SPATA31D1: variants seen among roughly 807,000 people sequenced by gnomAD.
SPATA31D1 encodes SPATA31 subfamily D member 1.
SPATA31D1 carries 6 observed loss-of-function variants against 13.2 expected under a neutral mutation model. The ratio of observed to expected loss-of-function variants is 0.46; its 90% CI spans 0.25 to 0.90. The LOEUF is 0.90. Among genes scored for constraint, SPATA31D1 ranks in the 40% least tolerant of loss-of-function variants. SPATA31D1 has a pLI of 0.18. For synonymous variants in SPATA31D1, 903 were observed against 718.8 expected (o/e 1.26, Z -4.10); for missense variants, 2,445 against 1,884.7 (o/e 1.30, Z -5.50).
rs755857922 is a variant in SPATA31D1, at chr9:81,992,865, T to C, written c.2395T>C (p.Ser799Pro). The C allele has an allele frequency of 1.9e-6, 3 of 1,613,766 alleles. No homozygotes were observed. The highest frequency in any genetic ancestry group is 2.5e-6 in the Non-Finnish European group (3 of 1,179,710). ...GACTTCTTCAGACAAGGATCTGAGG[T>C]CTAACTCTGAGAGAGACCTAGAAAC... is the stretch of plus-strand genomic sequence containing the variant. ...PETSSDKDLRSNSERDLETHM... is the reference protein window; with the variant it reads ...PETSSDKDLRPNSERDLETHM... Residue 799 changes from serine to proline, a missense_variant, in exon 4 of 4, where the codon TCT becomes CCT. Transcript: ENST00000344803.
At position 81,990,409 on chromosome 9, in the gene SPATA31D1, C is replaced by T. The variant is rs1445903763; in HGVS notation, c.233-8C>T. Reference sequence around the variant, plus strand: ...CTCTATCTTCATTGCATATAACATACTATTCAGGTTTCCCAGACTGGAAAA... The same window carrying T: ...CTCTATCTTCATTGCATATAACATATTATTCAGGTTTCCCAGACTGGAAAA... On this transcript the variant is annotated splice_region_variant and splice_polypyrimidine_tract_variant and intron_variant, in intron 2 of 3. Transcript: ENST00000344803. 7.5e-6 allele frequency: 12 copies of T among 1,598,450 alleles called. No homozygotes were observed. Among genetic ancestry groups the T allele is most frequent in the Non-Finnish European group, 9.4e-6 (11 of 1,171,398 alleles).
Position 81,989,090 on chromosome 9 carries a change from G to A in SPATA31D1, c.186+86G>A, listed in dbSNP as rs182331579. On this transcript the variant is annotated intron_variant, in intron 1 of 3. Coordinates refer to ENST00000344803, the MANE Select transcript of SPATA31D1 (RefSeq NM_001001670.3). ...CCAACATTTCTAAATAAGTTTGGTT[G>A]GTACAGAGACATGTTTTAGATGGGA... 202 of 1,535,666 alleles carry A rather than the reference G, an allele frequency of 1.3e-4. 1 individual carries two copies. The highest frequency in any genetic ancestry group is 9.3e-4 in the South Asian group (73 of 78,866).
rs1166771802 is a variant in SPATA31D1 at position 81,994,149 on chromosome 9, T to G, written c.3679T>G (p.Phe1227Val). 1.1e-5 allele frequency: 17 copies of G among 1,613,854 alleles called. No homozygotes were observed. The highest frequency in any genetic ancestry group is 1.4e-5 in the Non-Finnish European group (16 of 1,179,880). The stretch of plus-strand genomic sequence containing the variant: ...TCAGAGCCATTTCACTGACATGTCT[T>G]TTGCCTTAGATAACTTGAGTTCCAA... ...QPQSHFTDMS[F>V]ALDNLSSKDL... The change falls in exon 4 of 4, where the codon TTT (phenylalanine) becomes GTT (valine). Residue 1227 changes from phenylalanine (F) to valine (V), a missense_variant. Phe to Val is a conservative substitution (Grantham distance 50). Transcript: ENST00000344803.
upstream of SPATA31D1, among the ~76,000 whole-genome samples, chr9:81,988,161 T>C (rs1824887058): frequency 2.0e-5 from 3 of 152,214 alleles, no homozygotes; most frequent in South Asian, 6.2e-4. Context: ...TAATTTACAA[T>C]AAAAACCTTC....
Position 81,990,880 on chromosome 9 carries a change from C to G in SPATA31D1, c.410C>G (p.Thr137Ser), listed in dbSNP as rs776718983. The G allele has an allele frequency of 6.2e-7, 1 of 1,613,964 alleles. No homozygotes were observed. Among genetic ancestry groups the G allele is most frequent in the Admixed American group, 1.7e-5 (1 of 60,016 alleles). The change falls in exon 4 of 4, where the codon ACT (threonine) becomes AGT (serine). Residue 137 changes from threonine (T) to serine (S), a missense_variant. Thr to Ser is a moderately conservative substitution (Grantham distance 58, BLOSUM62 1). Transcript: ENST00000344803. ...DPVCRVCKRATADIQQLLSWE... is the reference protein window; with the variant it reads ...DPVCRVCKRASADIQQLLSWE... ...GTCTGTCGGGTGTGTAAGAGAGCAACTGCTGATATCCAGCAACTGCTGTCT... is the reference window on the plus strand; with the variant it reads ...GTCTGTCGGGTGTGTAAGAGAGCAAGTGCTGATATCCAGCAACTGCTGTCT...
intron 1 of SPATA31D1, 92 bp from the exon 2 acceptor site, chr9:81,989,686 A>G: frequency 1.6e-6 from 1 of 639,980 alleles, no homozygotes; most frequent in Non-Finnish European, 2.2e-6. Flanking sequence ...TTCTTGTATA[A>G]TGAATGAATG....
Position 81,992,206 on chromosome 9 carries a change from A to C in SPATA31D1, c.1736A>C (p.Lys579Thr). ...QGQSPHLTQVKSLAQPQSPFR... is the reference protein window; with the variant it reads ...QGQSPHLTQVTSLAQPQSPFR... ...CAGTCCCCACATCTCACTCAGGTGAAGTCCCTGGCTCAACCTCAATCTCCA... is the reference window on the plus strand; with the variant it reads ...CAGTCCCCACATCTCACTCAGGTGACGTCCCTGGCTCAACCTCAATCTCCA... Residue 579 changes from lysine to threonine, a missense_variant, in exon 4 of 4, where the codon AAG (lysine) becomes ACG (threonine). Transcript: ENST00000344803. The C allele has an allele frequency of 1.2e-6, 2 of 1,613,762 alleles. No individual in the cohort carries two copies. The highest frequency in any genetic ancestry group is 1.7e-6 in the Non-Finnish European group (2 of 1,179,722).
In SPATA31D1 at chr9:81,991,928, T is replaced by C. The variant is rs777648120; in HGVS notation, c.1458T>C (p.Pro486=). The C allele has an allele frequency of 7.4e-6, 12 of 1,613,674 alleles. No homozygotes were observed. Among genetic ancestry groups the C allele is most frequent in the Admixed American group, 3.3e-5 (2 of 59,998 alleles). ...AATGGCAGCACATCCATCAGCAGCC[T>C]CCACACTCTAAATGCTTTGAAGACC... ...KLEWQHIHQQ[P]PHSKCFEDHL... is the part of the protein sequence containing the mutation. The change falls in exon 4 of 4, where the codon CCT becomes CCC. Residue 486 remains proline, a synonymous_variant. Coordinates refer to ENST00000344803, the MANE Select transcript of SPATA31D1 (RefSeq NM_001001670.3).
In SPATA31D1 at chr9:81,994,942, A is replaced by T; in HGVS notation, c.4472A>T (p.Gln1491Leu). The change falls in exon 4 of 4, where the codon CAG (glutamine) becomes CTG (leucine). Residue 1491 changes from glutamine to leucine, a missense_variant. Transcript: ENST00000344803. ...VGQNYPTRIRQIIDKDRQPQK... is the reference protein window; with the variant it reads ...VGQNYPTRIRLIIDKDRQPQK... ...CAGAATTATCCTACAAGGATTAGACAGATCATAGACAAGGACAGACAGCCC... is the reference window on the plus strand; with the variant it reads ...CAGAATTATCCTACAAGGATTAGACTGATCATAGACAAGGACAGACAGCCC... 6.2e-7 allele frequency: 1 copy of T among 1,613,990 alleles called. No individual in the cohort carries two copies. The highest frequency in any genetic ancestry group is 8.5e-7 in the Non-Finnish European group (1 of 1,179,878).
Position 81,994,390 on chromosome 9 carries a change from G to A in SPATA31D1, c.3920G>A (p.Gly1307Glu). The part of the protein sequence containing the change: ...VRPKGGELDG[G>E]DAGLGTSQRR... ...CCCAAAGGAGGAGAGCTTGATGGAG[G>A]GGATGCAGGGCTGGGGACATCCCAA... The change falls in exon 4 of 4, where the codon GGG becomes GAG. Residue 1307 changes from glycine (G) to glutamate (E), a missense_variant. Coordinates refer to ENST00000344803, the MANE Select transcript of SPATA31D1 (RefSeq NM_001001670.3). 1.2e-6 allele frequency: 2 copies of A among 1,613,930 alleles called. No homozygotes were observed. Among genetic ancestry groups the A allele is most frequent in the Non-Finnish European group, 8.5e-7 (1 of 1,179,856 alleles).
In SPATA31D1 at chr9:81,993,675, T is replaced by G; in HGVS notation, c.3205T>G (p.Ser1069Ala). The G allele has an allele frequency of 5.6e-6, 9 of 1,614,014 alleles. No homozygotes were observed. The highest frequency in any genetic ancestry group is 2.2e-5 in the South Asian group (2 of 91,076). The change falls in exon 4 of 4, where the codon TCT (serine) becomes GCT (alanine). Residue 1069 changes from serine (S) to alanine (A), a missense_variant. By Grantham distance (99) the Ser-to-Ala change is moderately conservative (BLOSUM62 1). Coordinates refer to ENST00000344803, the MANE Select transcript of SPATA31D1 (RefSeq NM_001001670.3). The stretch of plus-strand genomic sequence containing the variant: ...GCAGGGGACCCTGAGAAGAGAATTC[T>G]CTGATACTGACAATGATCTTACAGA... ...EKQGTLRREFSDTDNDLTESV... is the reference protein window; with the variant it reads ...EKQGTLRREFADTDNDLTESV...
chr9:81,989,911 C>A, intron 2 of SPATA31D1, 88 bp downstream of exon 2: 2 of 1,453,094 alleles, frequency 1.4e-6, no homozygotes, highest in South Asian at 1.3e-5. Flanking sequence ...CTTAGAATGT[C>A]AGTTACTAGA....
Position 81,993,502 on chromosome 9 carries a change from A to G in SPATA31D1, c.3032A>G (p.Asp1011Gly). The change falls in exon 4 of 4, where the codon GAC becomes GGC. Residue 1011 changes from aspartate (D) to glycine (G), a missense_variant. By Grantham distance (94) the Asp-to-Gly change is moderately conservative (BLOSUM62 -1). Transcript: ENST00000344803. ...LRRQFSDTDHDLIETDSKDGA... is the reference protein window; with the variant it reads ...LRRQFSDTDHGLIETDSKDGA... ...AGACAATTTTCTGATACTGACCATGACCTTATAGAGACAGATTCCAAAGAC... is the reference window on the plus strand; with the variant it reads ...AGACAATTTTCTGATACTGACCATGGCCTTATAGAGACAGATTCCAAAGAC... 1 of 1,613,884 alleles carries G rather than the reference A, an allele frequency of 6.2e-7. No individual in the cohort carries two copies.
intron 3 of SPATA31D1, 48 bp downstream of exon 3, chr9:81,990,534 CT>C: frequency 6.6e-7 from 1 of 1,525,072 alleles, no homozygotes; most frequent in Non-Finnish European, 8.9e-7. Context: ...ACTCCTTCTT[CT>C]TTAGTACGTT....
chr9:81,987,761 A>T (rs953007641), upstream of SPATA31D1, among the ~76,000 whole-genome samples: 3 of 152,184 alleles, frequency 2.0e-5, no homozygotes, highest in African/African-American at 7.2e-5. Flanking sequence ...TGACTAATGA[A>T]ATAATCAGTT....
At position 81,991,633 on chromosome 9, in the gene SPATA31D1, C is replaced by T. The variant is rs1265790392; in HGVS notation, c.1163C>T (p.Ala388Val). The change falls in exon 4 of 4, where the codon GCC becomes GTC. Residue 388 changes from alanine (A) to valine (V), a missense_variant. Coordinates refer to ENST00000344803, the MANE Select transcript of SPATA31D1 (RefSeq NM_001001670.3). ...CTTCTTACCCTTCATTCTTCTGAGG[C>T]CTTTTTAGGGGGGCACTCTGTGGCC... ...EELLTLHSSE[A>V]FLGGHSVANL... is the part of the protein sequence containing the mutation. The T allele has an allele frequency of 1.2e-6, 2 of 1,613,814 alleles. No individual in the cohort carries two copies. Among genetic ancestry groups the T allele is most frequent in the Non-Finnish European group, 1.7e-6 (2 of 1,179,888 alleles).
In SPATA31D1 at chr9:81,994,735, G is replaced by C; in HGVS notation, c.4265G>C (p.Gly1422Ala). ...GAAGAGAAGCTGGGGCATAGGCATG[G>C]GATAGATATCACCTGTCCCCAAGAG... is the stretch of plus-strand genomic sequence containing the variant. Reference protein sequence around the residue: ...FLEEKLGHRHGIDITCPQEPL... With the variant: ...FLEEKLGHRHAIDITCPQEPL... Residue 1422 changes from glycine to alanine, a missense_variant, in exon 4 of 4, where the codon GGG (glycine) becomes GCG (alanine). Physicochemically the swap from Gly to Ala is moderately conservative, Grantham distance 60 (BLOSUM62 0). Coordinates refer to ENST00000344803, the MANE Select transcript of SPATA31D1 (RefSeq NM_001001670.3). The C allele has an allele frequency of 1.9e-6, 3 of 1,613,908 alleles. No homozygotes were observed. The highest frequency in any genetic ancestry group is 1.1e-5 in the South Asian group (1 of 91,086).
Position 81,992,558 on chromosome 9 carries a change from C to T in SPATA31D1, c.2088C>T (p.Ile696=), listed in dbSNP as rs1824996954. The part of the protein sequence containing the change: ...KLEQHIRRRL[I]QRRWGLPRRI... ...AGCAACACATTCGAAGGAGGCTCAT[C>T]CAGCGCAGATGGGGCCTGCCCCGCA... The change falls in exon 4 of 4, where the codon ATC becomes ATT. Residue 696 remains isoleucine, a synonymous_variant. Transcript: ENST00000344803. 1 of 1,612,010 alleles carries T rather than the reference C, an allele frequency of 6.2e-7. No homozygotes were observed. Among genetic ancestry groups the T allele is most frequent in the Admixed American group, 1.7e-5 (1 of 60,022 alleles).
Position 81,991,751 on chromosome 9 carries a change from G to A in SPATA31D1, c.1281G>A (p.Met427Ile). ...RQVKKRGDFL[M>I]WKENGKKPGS... is the part of the protein sequence containing the mutation. Reference sequence around the variant, plus strand: ...TCAAAAAAAGGGGTGATTTCCTGATGTGGAAAGAAAATGGAAAGAAACCAG... The same window carrying A: ...TCAAAAAAAGGGGTGATTTCCTGATATGGAAAGAAAATGGAAAGAAACCAG... Residue 427 changes from methionine to isoleucine, a missense_variant, in exon 4 of 4, where the codon ATG becomes ATA. Met to Ile is a conservative substitution (Grantham distance 10). Coordinates refer to ENST00000344803, the MANE Select transcript of SPATA31D1 (RefSeq NM_001001670.3). 1 of 1,613,806 alleles carries A rather than the reference G, an allele frequency of 6.2e-7. No individual in the cohort carries two copies. The highest frequency in any genetic ancestry group is 8.5e-7 in the Non-Finnish European group (1 of 1,179,734).
Sources: gnomAD v4.1 joint callset for allele counts (sites outside exome capture counted in the v4.1 genomes callset) on GRCh38, gnomAD v4.1.1 for gene constraint, MANE v1.5 for transcripts, NCBI Gene and HGNC (gene_info 2026-07-23, HGNC 2026-07-21) for gene names.